The following TRNT1 variants were observed in gnomAD, a reference collection of about 807,000 sequenced individuals.
TRNT1 encodes tRNA nucleotidyl transferase 1, also known as CCA tRNA nucleotidyltransferase 1, mitochondrial.
Under a neutral mutation model 45.6 loss-of-function variants are expected in TRNT1, and 44 were observed. That is an observed-to-expected ratio of 0.97 (90% CI 0.76 to 1.24). The LOEUF is 1.24. Among genes scored for constraint, TRNT1 ranks in the 50% most tolerant of loss-of-function variants. The probability of loss-of-function intolerance (pLI) is 0.00; values close to 1 mark genes in which losing one functional copy is unlikely to be tolerated. For synonymous variants in TRNT1, 201 were observed against 171.4 expected (o/e 1.17, Z -1.35); for missense variants, 633 against 504.4 (o/e 1.25, Z -2.44).
chr3:3,134,943 G>GT (rs1328693774), intron 2 of TRNT1, among the ~76,000 whole-genome samples: 2 of 152,064 alleles, frequency 1.3e-5, no homozygotes, highest in Non-Finnish European at 2.9e-5. Flanking sequence ...CAACAGATAA[G>GT]TAAGAGTGAG....
At chr3:3,140,370 G>A (rs1344500773) in intron 3 of TRNT1, 140 bp from the exon 4 acceptor site, 7 of 651,660 alleles carry the variant, frequency 1.1e-5, no homozygotes, top group Admixed American at 5.9e-5. Context: ...GTTTAGGTAT[G>A]GTAGTTGACG....
chr3:3,145,000 A>AT (rs1464541208), intron 5 of TRNT1: 2 of 197,484 alleles, frequency 1.0e-5, no homozygotes, highest in Non-Finnish European at 2.0e-5. Flanking sequence ...CCATTGATTT[A>AT]TTAATTACAC....
chr3:3,149,148 A>C (rs375589780), downstream of TRNT1: 2 of 152,138 alleles, frequency 1.3e-5, no homozygotes, highest in Non-Finnish European at 2.9e-5. Context: ...GACCTTGATA[A>C]AACAATTTTG....
chr3:3,147,595 A>G lies in TRNT1; in HGVS notation c.948A>G (p.Ala316=), dbSNP rs1705805. The G allele has an allele frequency of 0.82, 1,315,595 of 1,613,574 alleles. 541,540 individuals carry two copies. The highest frequency in any genetic ancestry group is 0.94 in the East Asian group (41,985 of 44,826). ...AATTGGATTTGAGGTTGAAGATCGC[A>G]AAAGAGGAGAAAAACCTTGGCTTAT... ...VTKLDLRLKI[A]KEEKNLGLFI... The change falls in exon 7 of 8, where the codon GCA becomes GCG. Residue 316 remains alanine, a synonymous_variant. Transcript: ENST00000251607.
intron 2 of TRNT1, among the ~76,000 whole-genome samples, chr3:3,131,060 G>A (rs948667208): frequency 4.6e-5 from 7 of 150,964 alleles, no homozygotes; most frequent in South Asian, 2.1e-4. Flanking sequence ...CAGCCTGGGC[G>A]ACACAGACCG....
At chr3:3,134,442 T>G (rs963591072) in intron 2 of TRNT1, among the ~76,000 whole-genome samples, 1 of 152,206 alleles carries the variant, frequency 6.6e-6, no homozygotes, top group African/African-American at 2.4e-5. Context: ...ATCAAAATGG[T>G]GAATATATTA....
chr3:3,146,104 G>A (rs1443261265), intron 5 of TRNT1, among the ~76,000 whole-genome samples: 2 of 149,640 alleles, frequency 1.3e-5, no homozygotes, highest in African/African-American at 4.9e-5. Context: ...TAGTATAAGT[G>A]CCAATTCAGG....
chr3:3,144,568 C>G lies in TRNT1; in HGVS notation c.482-16C>G, dbSNP rs200787934. 1.7e-4 allele frequency: 266 copies of G among 1,568,084 alleles called. No individual in the cohort carries two copies. The highest frequency in any genetic ancestry group is 2.1e-4 in the Non-Finnish European group (239 of 1,155,128). On this transcript the variant is annotated splice_polypyrimidine_tract_variant and intron_variant, in intron 4 of 7. Transcript: ENST00000251607. ...TTGCCAATAGTGATTTTTCTCCCTCCTTTTCTAATGAATAGGTTTTGATGG... is the reference window on the plus strand; with the variant it reads ...TTGCCAATAGTGATTTTTCTCCCTCGTTTTCTAATGAATAGGTTTTGATGG...
downstream of TRNT1, chr3:3,150,776 A>ACTTAGGTATGTATC (rs1706475089): frequency 2.8e-4 from 345 of 1,245,194 alleles, 3 homozygotes; most frequent in South Asian, 4.4e-3. Context: ...TGTTATGTTT[A>ACTTAGGTATGTATC]CTTAGGTATG....
At position 3,148,594 on chromosome 3, in the gene TRNT1, C is replaced by T. The variant is rs79659648; in HGVS notation, c.*440C>T. The T allele has an allele frequency of 0.019, 2,979 of 152,776 alleles. 90 individuals are homozygous for T. Among genetic ancestry groups the T allele is most frequent in the African/African-American group, 0.067 (2,786 of 41,470 alleles). 9.5% of individuals were successfully genotyped at this position (152,776 alleles called of 1,614,324 possible). A position where few individuals can be genotyped will look rare whatever the true frequency, so the allele number is the denominator to read the frequency against. ...TTCTTATCTGAATTCCAAAATAAAC[C>T]TGTGCTTAAAAAAGAAATAATTGAC... is the stretch of plus-strand genomic sequence containing the variant. On this transcript the variant is annotated 3_prime_UTR_variant, in exon 8 of 8. Coordinates refer to ENST00000251607, the MANE Select transcript of TRNT1 (RefSeq NM_182916.3).
At chr3:3,146,683 C>A in intron 6 of TRNT1, 60 bp downstream of exon 6, 2 of 1,385,158 alleles carry the variant, frequency 1.4e-6, no homozygotes, top group South Asian at 1.5e-5. Context: ...TTTCAAATTT[C>A]ATAAGGAAAA....
At chr3:3,151,232 A>G (rs1559238802), downstream of TRNT1, among the ~76,000 whole-genome samples, 2 of 152,226 alleles carry the variant, frequency 1.3e-5, no homozygotes, top group East Asian at 3.8e-4. Flanking sequence ...ATTTTGTAAT[A>G]TGTATGACTT....
At chr3:3,129,291 A>G in intron 2 of TRNT1, 103 bp downstream of exon 2, 2 of 1,111,408 alleles carry the variant, frequency 1.8e-6, no homozygotes, top group Non-Finnish European at 2.6e-6. Flanking sequence ...TTGTTGTTTT[A>G]ATTATTTTTA....
chr3:3,146,037 C>T (rs1175964432), intron 5 of TRNT1, among the ~76,000 whole-genome samples: 1 of 150,226 alleles, frequency 6.7e-6, no homozygotes, highest in Admixed American at 6.8e-5. Flanking sequence ...TCTGTTAAGG[C>T]ACTGCAGTCT....
chr3:3,146,228 A>G (rs1466811850), intron 5 of TRNT1, among the ~76,000 whole-genome samples: 2 of 151,820 alleles, frequency 1.3e-5, no homozygotes, highest in African/African-American at 4.8e-5. Context: ...ATTTTATTCG[A>G]TCCTGGGTTT....
At chr3:3,151,839 A>AC (rs55822907), downstream of TRNT1, among the ~76,000 whole-genome samples, 14 of 151,370 alleles carry the variant, frequency 9.2e-5, no homozygotes, top group African/African-American at 3.1e-4. Flanking sequence ...AAACAAACAA[A>AC]AGGCAAACTA....
chr3:3,144,252 T>G (rs1705840543), intron 4 of TRNT1, among the ~76,000 whole-genome samples: 1 of 152,246 alleles, frequency 6.6e-6, no homozygotes, highest in Non-Finnish European at 1.5e-5. Flanking sequence ...TTTTCCATTT[T>G]ATTTTGGCTA....
At chr3:3,144,214 G>A (rs1227319877) in intron 4 of TRNT1, among the ~76,000 whole-genome samples, 4 of 151,934 alleles carry the variant, frequency 2.6e-5, no homozygotes. Context: ...TATTTTCCTC[G>A]TTTCTTCTGT....
Position 3,140,511 on chromosome 3 carries a change from T to G in TRNT1, c.344T>G (p.Leu115Arg), listed in dbSNP as rs1190137095. The G allele has an allele frequency of 6.2e-7, 1 of 1,611,766 alleles. No individual in the cohort carries two copies. The highest frequency in any genetic ancestry group is 8.5e-7 in the Non-Finnish European group (1 of 1,178,936). The change falls in exon 4 of 8, where the codon CTT (leucine) becomes CGT (arginine). Residue 115 changes from leucine (L) to arginine (R), a missense_variant and splice_region_variant. Leu to Arg is a moderately radical substitution (Grantham distance 102). Transcript: ENST00000251607. ...GEKHGTITAR[L>R]HEENFEITTL... Reference sequence around the variant, plus strand: ...AAAACCCCATGTATTTAATTGCAGCTTCATGAAGAAAATTTTGAGATTACT... The same window carrying G: ...AAAACCCCATGTATTTAATTGCAGCGTCATGAAGAAAATTTTGAGATTACT...
Sources: gnomAD v4.1 joint callset for allele counts (sites outside exome capture counted in the v4.1 genomes callset) on GRCh38, gnomAD v4.1.1 for gene constraint, MANE v1.5 for transcripts, NCBI Gene and HGNC (gene_info 2026-07-23, HGNC 2026-07-21) for gene names.